Variants in KCNQ5 observed in about 807,000 individuals in gnomAD.
The protein encoded by KCNQ5 is potassium voltage-gated channel subfamily KQT member 5.
A neutral mutation model predicts 98.2 loss-of-function variants in KCNQ5; 30 were observed. That is an observed-to-expected ratio of 0.31 (90% confidence interval 0.23 to 0.41). The LOEUF is 0.41. KCNQ5 is among the 10% of genes least tolerant of loss of function. KCNQ5 has a pLI of 1.00. For missense variants in KCNQ5, 835 were observed against 1,182.5 expected, an observed-to-expected ratio of 0.71 and a Z score of 4.31; for synonymous variants, 458 against 449.4, an observed-to-expected ratio of 1.02 and a Z score of -0.24.
At chr6:73,161,178 G>A (rs1777603946) in intron 10 of KCNQ5, among the ~76,000 whole-genome samples, 2 of 152,204 alleles carry the variant, frequency 1.3e-5, no homozygotes, top group Non-Finnish European at 2.9e-5. Context: ...AGGACTGGAG[G>A]CCATTATGTT....
intron 1 of KCNQ5, among the ~76,000 whole-genome samples, chr6:72,723,735 C>CAATTTTTCAAAATTTTTCA (rs1462496179): frequency 2.0e-5 from 3 of 151,640 alleles, no homozygotes; most frequent in East Asian, 3.9e-4. Flanking sequence ...GATTTTGGAG[C>CAATTTTTCAAAATTTTTCA]AATTTTTCAA....
intron 1 of KCNQ5, among the ~76,000 whole-genome samples, chr6:72,690,012 GTCTATAAT>G (rs1768134551): frequency 6.6e-6 from 1 of 152,096 alleles, no homozygotes; most frequent in Non-Finnish European, 1.5e-5. Context: ...GGTTGCTTAC[GTCTATAAT>G]TCCAGCACTT....
At chr6:73,147,502 T>C (rs1037221180) in intron 10 of KCNQ5, among the ~76,000 whole-genome samples, 2 of 152,130 alleles carry the variant, frequency 1.3e-5, no homozygotes, top group Non-Finnish European at 2.9e-5. Flanking sequence ...GAATAATTCA[T>C]GTAATCACAG....
chr6:73,073,763 T>C (rs536180541), intron 3 of KCNQ5, among the ~76,000 whole-genome samples: 2 of 152,230 alleles, frequency 1.3e-5, no homozygotes, highest in African/African-American at 4.8e-5. Flanking sequence ...CCATAGTTTC[T>C]ACCTTACACC....
At chr6:72,771,978 CTA>C (rs1772917733) in intron 1 of KCNQ5, among the ~76,000 whole-genome samples, 1 of 151,980 alleles carries the variant, frequency 6.6e-6, no homozygotes, top group Non-Finnish European at 1.5e-5. Flanking sequence ...GGGAGATAGT[CTA>C]TGGTTTTCAG....
chr6:73,056,084 G>T (rs1772475189), intron 3 of KCNQ5, among the ~76,000 whole-genome samples: 1 of 152,220 alleles, frequency 6.6e-6, no homozygotes, highest in African/African-American at 2.4e-5. Context: ...CTGTGGAAAA[G>T]CCCCCCTTAT....
At chr6:72,822,111 T>C (rs985448968) in intron 1 of KCNQ5, among the ~76,000 whole-genome samples, 2 of 152,120 alleles carry the variant, frequency 1.3e-5, no homozygotes, top group Non-Finnish European at 2.9e-5. Context: ...TTTGAAAATA[T>C]CTCTGGCATA....
intron 11 of KCNQ5, among the ~76,000 whole-genome samples, chr6:73,183,990 A>C (rs1390924300): frequency 2.0e-5 from 3 of 152,198 alleles, no homozygotes; most frequent in Non-Finnish European, 4.4e-5. Flanking sequence ...CATGTTTTCC[A>C]CTGTTTTCTT....
At chr6:72,882,863 A>G (rs1269853224) in intron 1 of KCNQ5, among the ~76,000 whole-genome samples, 1 of 152,192 alleles carries the variant, frequency 6.6e-6, no homozygotes, top group Non-Finnish European at 1.5e-5. Flanking sequence ...GAAGTTTGAC[A>G]AGAGTGTACG....
chr6:72,668,620 A>G (rs1200806211), intron 1 of KCNQ5, among the ~76,000 whole-genome samples: 4 of 151,958 alleles, frequency 2.6e-5, no homozygotes, highest in Non-Finnish European at 2.9e-5. Flanking sequence ...GGCTGCCATA[A>G]CAAAATTCCA....
chr6:73,187,782 G>A (rs1301404745), intron 11 of KCNQ5, among the ~76,000 whole-genome samples: 1 of 152,166 alleles, frequency 6.6e-6, no homozygotes, highest in African/African-American at 2.4e-5. Flanking sequence ...TTTAAGGTTT[G>A]CATAAACTAT....
chr6:72,647,393 A>G (rs1370056112), intron 1 of KCNQ5, among the ~76,000 whole-genome samples: 2 of 152,032 alleles, frequency 1.3e-5, no homozygotes, highest in East Asian at 1.9e-4. Context: ...CCATGCATTA[A>G]GAAGAGAAAC....
chr6:73,109,271 A>G (rs1323822411), intron 6 of KCNQ5, among the ~76,000 whole-genome samples: 1 of 152,214 alleles, frequency 6.6e-6, no homozygotes, highest in Non-Finnish European at 1.5e-5. Context: ...AATTTGTGCT[A>G]TGTAGGGCCT....
At chr6:73,038,351 T>G (rs60255314) in intron 2 of KCNQ5, among the ~76,000 whole-genome samples, 21 of 20,266 alleles carry the variant, frequency 1.0e-3, no homozygotes, top group East Asian at 9.9e-3. Context: ...AAACTGCATG[T>G]TTTTTTTTTC....
intron 3 of KCNQ5, among the ~76,000 whole-genome samples, chr6:73,048,462 G>A (rs1772070261): frequency 6.6e-6 from 1 of 152,150 alleles, no homozygotes; most frequent in African/African-American, 2.4e-5. Flanking sequence ...AGGCCATGTA[G>A]CCTCTGCTAC....
intron 1 of KCNQ5, among the ~76,000 whole-genome samples, chr6:72,808,188 G>C (rs890489878): frequency 6.6e-6 from 1 of 152,168 alleles, no homozygotes; most frequent in Non-Finnish European, 1.5e-5. Flanking sequence ...GGACTGATTT[G>C]AGTGATACTT....
intron 6 of KCNQ5, among the ~76,000 whole-genome samples, chr6:73,107,140 A>T (rs1279901966): frequency 6.6e-6 from 1 of 152,184 alleles, no homozygotes; most frequent in Non-Finnish European, 1.5e-5. Context: ...AAATAATTGC[A>T]GCTTTTGTGT....
At chr6:72,980,503 G>A (rs1260992003) in intron 1 of KCNQ5, among the ~76,000 whole-genome samples, 1 of 152,156 alleles carries the variant, frequency 6.6e-6, no homozygotes, top group Non-Finnish European at 1.5e-5. Flanking sequence ...AGGAATGCTT[G>A]TGATTTTTGC....
intron 1 of KCNQ5, among the ~76,000 whole-genome samples, chr6:72,719,902 A>T (rs1769855740): frequency 6.6e-6 from 1 of 152,152 alleles, no homozygotes; most frequent in African/African-American, 2.4e-5. Context: ...GGAGTTTATC[A>T]CCAGTGTCTC....
Sources: allele counts gnomAD v4.1 joint callset (sites outside exome capture counted in the v4.1 genomes callset), GRCh38; gene constraint gnomAD v4.1.1; transcripts MANE v1.5; gene names NCBI Gene and HGNC (gene_info 2026-07-23, HGNC 2026-07-21).